Variants in GPBP1L1 observed in about 807,000 individuals in gnomAD.
GPBP1L1 encodes vasculin-like protein 1.
Under a neutral mutation model 52.5 loss-of-function variants are expected in GPBP1L1, and 23 were observed. That is an observed-to-expected ratio of 0.44 (90% CI 0.32 to 0.62). The LOEUF (loss-of-function observed/expected upper bound fraction) is 0.62, where lower values mean the gene tolerates loss of function less well. Among genes scored for constraint, GPBP1L1 ranks in the 20% least tolerant of loss-of-function variants. The pLI is 0.06. For missense variants in GPBP1L1, 596 were observed against 579.3 expected, an observed-to-expected ratio of 1.03 and a Z score of -0.30; for synonymous variants, 243 against 203.1, an observed-to-expected ratio of 1.20 and a Z score of -1.67.
intron 2 of GPBP1L1, among the ~76,000 whole-genome samples, chr1:45,669,890 G>A (rs1175195988): frequency 1.4e-5 from 2 of 138,344 alleles, no homozygotes; most frequent in Admixed American, 1.5e-4. Context: ...GCACAAAACT[G>A]AACTCCTTTT....
intron 2 of GPBP1L1, among the ~76,000 whole-genome samples, chr1:45,676,790 G>A (rs1343855397): frequency 1.3e-5 from 2 of 151,496 alleles, no homozygotes; most frequent in African/African-American, 4.9e-5. Context: ...GAAGTGGGAG[G>A]ATCCCTTGAA....
In GPBP1L1 at chr1:45,645,766, TTG is replaced by T. The variant is rs1422929363; in HGVS notation, c.478-3269_478-3268del. 6.7e-3 allele frequency: 2,167 copies of T among 325,026 alleles called. 37 individuals carry two copies. Among genetic ancestry groups the T allele is most frequent in the African/African-American group, 0.02 (722 of 36,134 alleles). 20.1% of individuals were successfully genotyped at this position (325,026 alleles called of 1,614,324 possible). A position where few individuals can be genotyped will look rare whatever the true frequency, so the allele number is the denominator to read the frequency against. On this transcript the variant is annotated intron_variant, in intron 6 of 12. Coordinates refer to ENST00000355105, the MANE Select transcript of GPBP1L1 (RefSeq NM_021639.5). ...CTTGGGAACGATATTCCGAAGTTTT[TTG>T]TTTTTTTTTTTTTTGAGGCATTTTA...
chr1:45,674,034 T>A (rs979925722), intron 2 of GPBP1L1, among the ~76,000 whole-genome samples: 1 of 152,058 alleles, frequency 6.6e-6, no homozygotes, highest in African/African-American at 2.4e-5. Context: ...GCCGAGATTG[T>A]GCCATTGCAC....
chr1:45,649,069 C>A (rs1230119195), intron 6 of GPBP1L1, among the ~76,000 whole-genome samples: 1 of 152,126 alleles, frequency 6.6e-6, no homozygotes, highest in African/African-American at 2.4e-5. Context: ...TTCACTGCGA[C>A]CTGCTGCATG....
At chr1:45,655,904 G>C (rs1644879535) in intron 4 of GPBP1L1, 1 of 152,718 alleles carries the variant, frequency 6.5e-6, no homozygotes, top group Admixed American at 6.5e-5. Flanking sequence ...GGAGTAGCTA[G>C]AACTATTGGC....
intron 5 of GPBP1L1, 65 bp downstream of exon 5, chr1:45,655,125 C>T: frequency 6.3e-7 from 1 of 1,591,866 alleles, no homozygotes; most frequent in South Asian, 1.1e-5. Context: ...AGACATGTAC[C>T]CACAGCCTGG....
intron 2 of GPBP1L1, among the ~76,000 whole-genome samples, chr1:45,684,180 C>T (rs527466791): frequency 8.9e-4 from 131 of 147,838 alleles, no homozygotes; most frequent in African/African-American, 3.2e-3. Context: ...ATCGCTTGAA[C>T]CCAGGAGGCG....
chr1:45,663,632 C>CTTATTTGTTCTAT (rs1644974087), intron 2 of GPBP1L1, among the ~76,000 whole-genome samples: 1 of 152,020 alleles, frequency 6.6e-6, no homozygotes. Flanking sequence ...AGTGGGGACA[C>CTTATTTGTTCTAT]TTAATCAAAC....
At chr1:45,635,400 A>T (rs1439093113) in intron 8 of GPBP1L1, 1 of 152,158 alleles carries the variant, frequency 6.6e-6, no homozygotes, top group African/African-American at 2.4e-5. Context: ...CTCAAAGATG[A>T]TTTGTGGCTT....
chr1:45,652,374 G>A (rs1644828970), intron 6 of GPBP1L1, among the ~76,000 whole-genome samples: 1 of 152,128 alleles, frequency 6.6e-6, no homozygotes, highest in Non-Finnish European at 1.5e-5. Flanking sequence ...CATTCCCACT[G>A]GGAATGTCAC....
chr1:45,633,500 T>C lies in GPBP1L1; in HGVS notation c.1033A>G (p.Lys345Glu). The C allele has an allele frequency of 6.2e-7, 1 of 1,613,930 alleles. No individual in the cohort carries two copies. Among genetic ancestry groups the C allele is most frequent in the Non-Finnish European group, 8.5e-7 (1 of 1,179,976 alleles). Residue 345 changes from lysine to glutamate, a missense_variant, in exon 10 of 13, where the codon AAG becomes GAG. Lys to Glu is a moderately conservative substitution (Grantham distance 56). Coordinates refer to ENST00000355105, the MANE Select transcript of GPBP1L1 (RefSeq NM_021639.5). ...GDFSENRDCD[K>E]LEDLEDNSTP... is the part of the protein sequence containing the mutation. ...GCGGATGCTCTTACATCTTCCAGCTTGTCACAGTCTCTATTCTCTGAGAAG... is the reference window on the plus strand; with the variant it reads ...GCGGATGCTCTTACATCTTCCAGCTCGTCACAGTCTCTATTCTCTGAGAAG...
chr1:45,664,557 T>A (rs1030493541), intron 2 of GPBP1L1, among the ~76,000 whole-genome samples: 1 of 152,064 alleles, frequency 6.6e-6, no homozygotes, highest in Non-Finnish European at 1.5e-5. Flanking sequence ...AGAGCAAGAC[T>A]CTGCCTCAAA....
At chr1:45,687,499 A>G (rs1255336354), upstream of GPBP1L1, 5 of 152,240 alleles carry the variant, frequency 3.3e-5, no homozygotes, top group Admixed American at 3.3e-4. Flanking sequence ...CTCCTACTAC[A>G]TGTCTTCAGT....
chr1:45,669,625 T>A (rs74416965), intron 2 of GPBP1L1, among the ~76,000 whole-genome samples: 2 of 31,578 alleles, frequency 6.3e-5, no homozygotes, highest in Admixed American at 2.5e-4. Flanking sequence ...TGACCCCCCC[T>A]CCAACCCCCT....
At chr1:45,641,990 C>A (rs1233171908) in intron 7 of GPBP1L1, among the ~76,000 whole-genome samples, 6 of 152,008 alleles carry the variant, frequency 3.9e-5, no homozygotes, top group African/African-American at 1.5e-4. Flanking sequence ...TCAAGACAAG[C>A]CTGATCAACA....
At chr1:45,665,115 C>T in intron 2 of GPBP1L1, among the ~76,000 whole-genome samples, 1 of 151,920 alleles carries the variant, frequency 6.6e-6, no homozygotes, top group Non-Finnish European at 1.5e-5. Context: ...ATGGTGAAAC[C>T]CCCGTCTCTA....
chr1:45,659,456 G>A (rs938658703), intron 3 of GPBP1L1, among the ~76,000 whole-genome samples: 4 of 152,112 alleles, frequency 2.6e-5, no homozygotes, highest in African/African-American at 7.2e-5. Flanking sequence ...CTTCAGCCTC[G>A]CAAAGTGTTG....
chr1:45,671,492 C>T (rs1645073256), intron 2 of GPBP1L1, among the ~76,000 whole-genome samples: 2 of 152,178 alleles, frequency 1.3e-5, no homozygotes, highest in African/African-American at 4.8e-5. Context: ...AGGCTTGAGC[C>T]ACCATGCCCA....
chr1:45,666,859 T>A (rs1424590580), intron 2 of GPBP1L1, among the ~76,000 whole-genome samples: 6 of 152,224 alleles, frequency 3.9e-5, no homozygotes, highest in Non-Finnish European at 8.8e-5. Context: ...AGGCTATTAT[T>A]CAGCTATAAA....
Sources: allele counts gnomAD v4.1 joint callset (sites outside exome capture counted in the v4.1 genomes callset), GRCh38; gene constraint gnomAD v4.1.1; transcripts MANE v1.5; gene names NCBI Gene and HGNC (gene_info 2026-07-23, HGNC 2026-07-21).